INPP4A: variants seen among roughly 807,000 people sequenced by gnomAD.
The protein encoded by INPP4A is inositol polyphosphate-4-phosphatase type I A.
A neutral mutation model predicts 119.8 loss-of-function variants in INPP4A; 33 were observed. That is an observed-to-expected ratio of 0.28 (90% CI 0.21 to 0.37). The LOEUF (loss-of-function observed/expected upper bound fraction) is 0.37, where lower values mean the gene tolerates loss of function less well. Ranked by LOEUF, INPP4A falls within the 10% of genes least tolerant of loss-of-function variation. The probability of loss-of-function intolerance (pLI) is 1.00; values close to 1 mark genes in which losing one functional copy is unlikely to be tolerated. For missense variants in INPP4A, 956 were observed against 1,289.9 expected, an observed-to-expected ratio of 0.74 and a Z score of 3.97; for synonymous variants, 496 against 500.7, an observed-to-expected ratio of 0.99 and a Z score of 0.12.
chr2:98,484,529 G>A (rs879578019), intron 1 of INPP4A, among the ~76,000 whole-genome samples: 2 of 152,124 alleles, frequency 1.3e-5, no homozygotes, highest in African/African-American at 2.4e-5. Flanking sequence ...TGGAAGGAGA[G>A]CCCTTCCAGC....
At position 98,551,317 on chromosome 2, in the gene INPP4A, A is replaced by G. The variant is rs79291065; in HGVS notation, c.1164-1469A>G. 9.3e-4 allele frequency among the ~76,000 whole-genome samples: 141 copies of G among 152,298 alleles called. 2 individuals are homozygous for G. The East Asian group carries it at 0.01, about 11-fold the overall frequency. Reference sequence around the variant, plus strand: ...GATGAAATGGTCTTAGAAGGCAGCTATTCATTTGGAAGAGTGATTGCAGAT... The same window carrying G: ...GATGAAATGGTCTTAGAAGGCAGCTGTTCATTTGGAAGAGTGATTGCAGAT... On this transcript the variant is annotated intron_variant, in intron 13 of 24. Coordinates refer to ENST00000409851, the MANE Select transcript of INPP4A (RefSeq NM_001134225.2).
rs185273117 is a variant in INPP4A, at chr2:98,459,573, G to T, written c.-166+14488G>T. On this transcript the variant is annotated intron_variant, in intron 1 of 24. Coordinates refer to ENST00000409851, the MANE Select transcript of INPP4A (RefSeq NM_001134225.2). ...CTTTACTGCATGCTACAGGGGCATT[G>T]TGTCCCACAATGGCATTCACAGTGT... 3.7e-3 allele frequency among the ~76,000 whole-genome samples: 570 copies of T among 152,272 alleles called. 7 individuals are homozygous for T. The highest frequency in any genetic ancestry group is 0.013 in the African/African-American group (551 of 41,540).
chr2:98,546,423 C>T lies in INPP4A; in HGVS notation c.1055-163C>T, dbSNP rs1483825024. On this transcript the variant is annotated intron_variant, in intron 12 of 24. Transcript: ENST00000409851. The surrounding 1 kb of genome is among the most constrained non-coding windows in gnomAD (Gnocchi z 4.2). ...GTTGCTGAGGTGATGGCACTGGGCT[C>T]CAGCAGACCCTTGGGCAGCCAGGGC... Among the ~76,000 whole-genome samples the T allele has an allele frequency of 6.6e-6, 1 of 152,202 alleles. No homozygotes were observed. Among genetic ancestry groups the T allele is most frequent in the Non-Finnish European group, 1.5e-5 (1 of 68,038 alleles).
chr2:98,539,833 G>A (rs6734569), intron 10 of INPP4A, among the ~76,000 whole-genome samples, 158 bp downstream of exon 10: 2 of 152,090 alleles, frequency 1.3e-5, no homozygotes, highest in Non-Finnish European at 2.9e-5. Context: ...CTAAGCCTCA[G>A]TTTGCTCATT....
chr2:98,584,007 C>G (rs1422511960), intron 24 of INPP4A, among the ~76,000 whole-genome samples: 1 of 152,210 alleles, frequency 6.6e-6, no homozygotes, highest in Non-Finnish European at 1.5e-5. Flanking sequence ...GTTCACTTGT[C>G]TCTTCTAAAA....
At chr2:98,477,362 G>T (rs1254781610) in intron 1 of INPP4A, among the ~76,000 whole-genome samples, 2 of 152,234 alleles carry the variant, frequency 1.3e-5, no homozygotes, top group Non-Finnish European at 2.9e-5. Flanking sequence ...GTACAGCTTG[G>T]TCTTCCTGCC....
In INPP4A at chr2:98,526,830, G is replaced by A. The variant is rs1048253930; in HGVS notation, c.151+6099G>A. ...TTATGGCAGAAGGAAAAGCGGGAGC[G>A]AGCATCTTACATGATGAGAGAAGGA... On this transcript the variant is annotated intron_variant, in intron 4 of 24. Coordinates refer to ENST00000409851, the MANE Select transcript of INPP4A (RefSeq NM_001134225.2). Among the ~76,000 whole-genome samples the A allele has an allele frequency of 8.5e-5, 13 of 152,258 alleles. No individual in the cohort carries two copies. In the South Asian group the frequency reaches 1.2e-3, roughly 15 times the overall value.
rs1694163133 is a variant in INPP4A, at chr2:98,554,826, C to T, written c.1566+337C>T. ...TGGCCTTGGGATGCTTGAGACCAGT[C>T]AGTGCTCTGTTTGCTGTTAGATTTT... is the stretch of plus-strand genomic sequence containing the variant. On this transcript the variant is annotated intron_variant, in intron 15 of 24. Transcript: ENST00000409851. This position sits in a 1 kb window ranked among gnomAD's most constrained non-coding sequence, Gnocchi z 4.7. Among the ~76,000 whole-genome samples, 1 of 152,168 alleles carries T rather than the reference C, an allele frequency of 6.6e-6. No homozygotes were observed. The highest frequency in any genetic ancestry group is 6.5e-5 in the Admixed American group (1 of 15,282).
chr2:98,538,701 G>T (rs944545766), intron 8 of INPP4A, among the ~76,000 whole-genome samples, 190 bp from the exon 9 acceptor site: 1 of 152,204 alleles, frequency 6.6e-6, no homozygotes, highest in African/African-American at 2.4e-5. Context: ...AATTGTGTGC[G>T]CATGAAGTGA....
At position 98,539,622 on chromosome 2, in the gene INPP4A, C is replaced by G; in HGVS notation, c.765C>G (p.Ser255=). Residue 255 remains serine (S), a synonymous_variant, in exon 10 of 25, where the codon TCC becomes TCG. Transcript: ENST00000409851. ...ILEQMAESVL[S]LHVPRQFVKL... ...AGCAGATGGCAGAGAGCGTGCTCTC[C>G]CTGCACGTGCCCCGGCAGTTCGTGA... 1 of 1,611,238 alleles carries G rather than the reference C, an allele frequency of 6.2e-7. No individual in the cohort carries two copies. The highest frequency in any genetic ancestry group is 1.1e-5 in the South Asian group (1 of 90,644).
intron 4 of INPP4A, among the ~76,000 whole-genome samples, chr2:98,531,643 C>T (rs961332947): frequency 1.3e-5 from 2 of 152,210 alleles, no homozygotes; most frequent in South Asian, 2.1e-4. Flanking sequence ...ACAACTAGAC[C>T]GACCGCTGAC....
chr2:98,581,517 T>C, intron 24 of INPP4A: 1 of 1,476,696 alleles, frequency 6.8e-7, no homozygotes, highest in East Asian at 2.6e-5. Context: ...CTTTTTTTCT[T>C]TATTTTCTTT....
At chr2:98,551,946 C>T (rs1479578702) in intron 13 of INPP4A, among the ~76,000 whole-genome samples, 1 of 152,190 alleles carries the variant, frequency 6.6e-6, no homozygotes, top group Admixed American at 6.5e-5. Flanking sequence ...ACCCAACACA[C>T]TGGCCAGGCC....
At chr2:98,565,305 A>G (rs570337801) in intron 19 of INPP4A, among the ~76,000 whole-genome samples, 1 of 152,188 alleles carries the variant, frequency 6.6e-6, no homozygotes, top group Non-Finnish European at 1.5e-5. Context: ...CTGCTTTAGC[A>G]TCTCTCATTT....
At chr2:98,529,106 T>C (rs923559906) in intron 4 of INPP4A, among the ~76,000 whole-genome samples, 5 of 151,508 alleles carry the variant, frequency 3.3e-5, no homozygotes, top group African/African-American at 1.2e-4. Flanking sequence ...TTTCTATTCA[T>C]CAAAAATATC....
intron 4 of INPP4A, among the ~76,000 whole-genome samples, chr2:98,526,923 A>G (rs1333737718): frequency 6.6e-6 from 1 of 152,138 alleles, no homozygotes; most frequent in Admixed American, 6.5e-5. Flanking sequence ...CAGAGCTAGA[A>G]CTCACTCATC....
At chr2:98,587,423 T>C in intron 24 of INPP4A, 53 bp from the exon 25 acceptor site, 17 of 1,505,190 alleles carry the variant, frequency 1.1e-5, no homozygotes, top group Non-Finnish European at 1.4e-5. Context: ...GTTTAAGTCT[T>C]TTCTTTTTTC....
intron 23 of INPP4A, 38 bp from the exon 24 acceptor site, chr2:98,576,951 G>A (rs763819976): frequency 3.1e-6 from 5 of 1,590,532 alleles, no homozygotes; most frequent in Non-Finnish European, 4.3e-6. Context: ...TTTCTGTGGA[G>A]CCTCGCCTCT....
chr2:98,505,863 A>C (rs1175780123), intron 1 of INPP4A, among the ~76,000 whole-genome samples: 1 of 152,200 alleles, frequency 6.6e-6, no homozygotes, highest in Admixed American at 6.5e-5. Context: ...TCACTTTGCT[A>C]TTAGTTGATA....
Sources: gnomAD v4.1 joint callset for allele counts (sites outside exome capture counted in the v4.1 genomes callset) on GRCh38, gnomAD v4.1.1 for gene constraint, Gnocchi (gnomAD v3.1) non-coding constraint, MANE v1.5 for transcripts, NCBI Gene and HGNC (gene_info 2026-07-23, HGNC 2026-07-21) for gene names.